TDRD7: variants seen among roughly 807,000 people sequenced by gnomAD.
TDRD7 encodes the protein tudor domain containing 7, also known as tudor domain-containing protein 7.
Under a neutral mutation model 109.8 loss-of-function variants are expected in TDRD7, and 47 were observed. The ratio of observed to expected loss-of-function variants is 0.43; its 90% confidence interval spans 0.34 to 0.55. The LOEUF (loss-of-function observed/expected upper bound fraction) is 0.55. Among genes scored for constraint, TDRD7 ranks in the 20% least tolerant of loss-of-function variants. The pLI is 0.03. For missense variants in TDRD7, 1,164 were observed against 1,319.2 expected (o/e 0.88, Z 1.82); for synonymous variants, 424 against 457.3 (o/e 0.93, Z 0.93).
chr9:97,482,205 A>T (rs1327070519), intron 14 of TDRD7, among the ~76,000 whole-genome samples: 1 of 152,186 alleles, frequency 6.6e-6, no homozygotes, highest in Non-Finnish European at 1.5e-5. Flanking sequence ...AAAAAGTGTA[A>T]AACTAATTTT....
intron 7 of TDRD7, among the ~76,000 whole-genome samples, chr9:97,462,236 C>G (rs1828738260): frequency 6.6e-6 from 1 of 152,162 alleles, no homozygotes. Context: ...AGTCAGAGAC[C>G]AAGCACCGGG....
Position 97,412,439 on chromosome 9 carries a change from A to T in TDRD7, c.-7+201A>T, listed in dbSNP as rs1012275987. Reference sequence around the variant, plus strand: ...TGGGAACCGGGCTGGGCGCCGGGGGAGTTGGAGTTCCAGAGCGTTGTGTTT... The same window carrying T: ...TGGGAACCGGGCTGGGCGCCGGGGGTGTTGGAGTTCCAGAGCGTTGTGTTT... On this transcript the variant is annotated intron_variant, in intron 1 of 16. Transcript: ENST00000355295. The surrounding 1 kb of genome is among the most constrained non-coding windows in gnomAD (Gnocchi z 4.3). 1.3e-5 allele frequency among the ~76,000 whole-genome samples: 2 copies of T among 151,700 alleles called. No individual in the cohort carries two copies. The highest frequency in any genetic ancestry group is 4.8e-5 in the African/African-American group (2 of 41,248).
chr9:97,450,693 C>T (rs1332032339), intron 6 of TDRD7, among the ~76,000 whole-genome samples: 2 of 152,022 alleles, frequency 1.3e-5, no homozygotes, highest in African/African-American at 4.8e-5. Flanking sequence ...AGGTCTCTTT[C>T]CTAAACCTAT....
At chr9:97,463,385 T>G (rs533926401) in intron 7 of TDRD7, among the ~76,000 whole-genome samples, 53 of 151,728 alleles carry the variant, frequency 3.5e-4, no homozygotes, top group East Asian at 1.4e-3. Flanking sequence ...GTTTTGTTTT[T>G]TTTTTTTTTT....
At chr9:97,462,837 T>C (rs1828749752) in intron 7 of TDRD7, among the ~76,000 whole-genome samples, 1 of 152,226 alleles carries the variant, frequency 6.6e-6, no homozygotes, top group East Asian at 1.9e-4. Context: ...TCCTGGCTGC[T>C]TAAGAGAAGA....
At position 97,414,827 on chromosome 9, in the gene TDRD7, AG is replaced by A. The variant is rs201389243; in HGVS notation, c.-7+2590del. Among the ~76,000 whole-genome samples, 542 of 152,342 alleles carry A rather than the reference AG, an allele frequency of 3.6e-3. 3 individuals carry two copies. Among genetic ancestry groups the A allele is most frequent in the African/African-American group, 0.013 (522 of 41,570 alleles). ...GTAACAGACTATGATTAGAAAGAAA[AG>A]AGCATTTAAAAGTGTCGCAAGGTGA... On this transcript the variant is annotated intron_variant, in intron 1 of 16. Coordinates refer to ENST00000355295, the MANE Select transcript of TDRD7 (RefSeq NM_014290.3).
Position 97,480,893 on chromosome 9 carries a change from G to A in TDRD7, c.2367G>A (p.Leu789=). 6.2e-7 allele frequency: 1 copy of A among 1,614,134 alleles called. No homozygotes were observed. Residue 789 remains leucine, a synonymous_variant, in exon 14 of 17, where the codon CTG becomes CTA. Coordinates refer to ENST00000355295, the MANE Select transcript of TDRD7 (RefSeq NM_014290.3). Reference sequence around the variant, plus strand: ...GCATGTGGACACCAGATGCAGTGCTGTGGTTAAGAGATTCTGTTTTGAATT... The same window carrying A: ...GCATGTGGACACCAGATGCAGTGCTATGGTTAAGAGATTCTGTTTTGAATT... The part of the protein sequence containing the change: ...SIGMWTPDAV[L]WLRDSVLNCS...
At chr9:97,441,981 T>C in intron 6 of TDRD7, 106 bp downstream of exon 6, 2 of 887,082 alleles carry the variant, frequency 2.3e-6, no homozygotes, top group South Asian at 1.4e-5. Context: ...CAAAGCACTT[T>C]ACATATGTTA....
chr9:97,432,391 G>T (rs1307509358), intron 4 of TDRD7, among the ~76,000 whole-genome samples, 153 bp downstream of exon 4: 1 of 152,180 alleles, frequency 6.6e-6, no homozygotes, highest in African/African-American at 2.4e-5. Context: ...ACTTCTAGCT[G>T]CCTGAACATC....
chr9:97,457,500 T>C (rs1828639490), intron 6 of TDRD7, among the ~76,000 whole-genome samples: 1 of 152,108 alleles, frequency 6.6e-6, no homozygotes, highest in Non-Finnish European at 1.5e-5. Context: ...TGCATCAGCC[T>C]CCCAAGTAGT....
rs532288742 is a variant in TDRD7, at chr9:97,443,768, A to G, written c.855+1893A>G. Among the ~76,000 whole-genome samples the G allele has an allele frequency of 1.1e-4, 16 of 152,334 alleles. No homozygotes were observed. In the South Asian group the frequency reaches 2.5e-3, roughly 24 times the overall value. On this transcript the variant is annotated intron_variant, in intron 6 of 16. Coordinates refer to ENST00000355295, the MANE Select transcript of TDRD7 (RefSeq NM_014290.3). ...GGGGATACCTGTGCAGGTTTGTTAC[A>G]TGGGTATTTGCACACCGTAGAAAGT...
chr9:97,456,049 A>C (rs757734907), intron 6 of TDRD7, among the ~76,000 whole-genome samples: 12 of 152,226 alleles, frequency 7.9e-5, no homozygotes, highest in Non-Finnish European at 1.3e-4. Context: ...CAGAGAGCCA[A>C]ATCATGAATG....
rs1236074230 is a variant in TDRD7 at position 97,480,974 on chromosome 9, G to C, written c.2412+36G>C. The C allele has an allele frequency of 2.6e-6, 4 of 1,568,244 alleles. No individual in the cohort carries two copies. In the Admixed American group the frequency reaches 6.7e-5, roughly 26 times the overall value. ...TTGTTGGGCCTGATACATTTAGAAA[G>C]GGAGCTGGCAGCTGTCAGGGCTCAT... On this transcript the variant is annotated intron_variant, in intron 14 of 16. Transcript: ENST00000355295.
At chr9:97,438,490 C>T (rs1021591960) in intron 4 of TDRD7, among the ~76,000 whole-genome samples, 1 of 152,238 alleles carries the variant, frequency 6.6e-6, no homozygotes, top group Admixed American at 6.5e-5. Flanking sequence ...ATTCATTTGC[C>T]TTGCATGTAT....
intron 7 of TDRD7, among the ~76,000 whole-genome samples, chr9:97,463,645 C>A (rs1388292038): frequency 2.6e-5 from 4 of 152,154 alleles, no homozygotes; most frequent in African/African-American, 9.7e-5. Context: ...ATGGCTGGGA[C>A]AGCTTCTCTT....
At chr9:97,420,427 C>G (rs1269427525) in intron 1 of TDRD7, among the ~76,000 whole-genome samples, 6 of 151,910 alleles carry the variant, frequency 3.9e-5, no homozygotes, top group Non-Finnish European at 5.9e-5. Flanking sequence ...GTAAAAATCC[C>G]TCTTTATAGC....
chr9:97,414,631 T>C (rs1370901881), intron 1 of TDRD7, among the ~76,000 whole-genome samples: 2 of 152,208 alleles, frequency 1.3e-5, no homozygotes, highest in Non-Finnish European at 2.9e-5. Context: ...ATCCCTTACT[T>C]ACGTACATTC....
intron 1 of TDRD7, 80 bp from the exon 2 acceptor site, chr9:97,428,380 C>G: frequency 1.5e-6 from 2 of 1,369,584 alleles, no homozygotes; most frequent in Non-Finnish European, 2.1e-6. Context: ...TATAAAGTAA[C>G]AAGTTTCAGC....
At position 97,460,185 on chromosome 9, in the gene TDRD7, A is replaced by G; in HGVS notation, c.863A>G (p.Lys288Arg). 6.2e-7 allele frequency: 1 copy of G among 1,614,200 alleles called. No individual in the cohort carries two copies. The highest frequency in any genetic ancestry group is 8.5e-7 in the Non-Finnish European group (1 of 1,180,026). The stretch of plus-strand genomic sequence containing the variant: ...TTTATTTAAAAATTTCAGGTGGAGA[A>G]ACCTTGCAGTGGTGGCCAAGATTTA... ...EHWPHICTVEKPCSGGQDLLL... is the reference protein window; with the variant it reads ...EHWPHICTVERPCSGGQDLLL... Residue 288 changes from lysine (K) to arginine (R), a missense_variant, in exon 7 of 17, where the codon AAA (lysine) becomes AGA (arginine). This residue lies in a region of TDRD7 where 407 missense variants were observed against 394.0 expected (regional missense o/e 1.03). Coordinates refer to ENST00000355295, the MANE Select transcript of TDRD7 (RefSeq NM_014290.3).
Sources: gnomAD v4.1 joint callset for allele counts (sites outside exome capture counted in the v4.1 genomes callset) on GRCh38, gnomAD v4.1.1 for gene constraint, gnomAD v4.1.1 regional missense constraint, Gnocchi (gnomAD v3.1) non-coding constraint, MANE v1.5 for transcripts, NCBI Gene and HGNC (gene_info 2026-07-23, HGNC 2026-07-21) for gene names.